ANTXR1: variants seen among roughly 807,000 people sequenced by gnomAD.
The protein encoded by ANTXR1 is anthrax toxin receptor 1.
In ANTXR1, 19 loss-of-function variants were observed where a neutral mutation model predicts 78.1. That is an observed-to-expected ratio of 0.24 (90% confidence interval 0.17 to 0.36). The LOEUF (loss-of-function observed/expected upper bound fraction) is 0.36. Ranked by LOEUF, ANTXR1 falls within the 10% of genes least tolerant of loss-of-function variation. ANTXR1 has a pLI of 1.00. For missense variants in ANTXR1, 518 were observed against 718.6 expected, an observed-to-expected ratio of 0.72 and a Z score of 3.19; for synonymous variants, 273 against 260.5, an observed-to-expected ratio of 1.05 and a Z score of -0.46.
chr2:69,154,765 C>T (rs1673480958), intron 13 of ANTXR1, among the ~76,000 whole-genome samples: 2 of 152,228 alleles, frequency 1.3e-5, no homozygotes, highest in South Asian at 2.1e-4. Context: ...CGTGTGCCTT[C>T]TCCTTCCTGC....
intron 13 of ANTXR1, 106 bp from the exon 14 acceptor site, chr2:69,170,141 GC>G: frequency 2.4e-6 from 3 of 1,258,056 alleles, no homozygotes; most frequent in Non-Finnish European, 3.5e-6. Context: ...TGGGGCCATT[GC>G]CATGGTAATT....
intron 12 of ANTXR1, among the ~76,000 whole-genome samples, chr2:69,135,445 T>A (rs898909092): frequency 6.6e-6 from 1 of 152,078 alleles, no homozygotes; most frequent in African/African-American, 2.4e-5. Flanking sequence ...AAAACTCAGA[T>A]TGACAGATTG....
chr2:69,185,550 AG>A (rs1023713969), intron 16 of ANTXR1, among the ~76,000 whole-genome samples: 4 of 150,174 alleles, frequency 2.7e-5, no homozygotes, highest in African/African-American at 9.8e-5. Flanking sequence ...AAATAAAAAA[AG>A]AAAAAAAAAA....
At chr2:69,044,891 G>A (rs1351323711) in intron 3 of ANTXR1, 78 bp downstream of exon 3, 5 of 1,409,486 alleles carry the variant, frequency 3.5e-6, no homozygotes, top group Non-Finnish European at 4.0e-6. Context: ...TCTGGTGCCA[G>A]CCTTGACCTG....
intron 14 of ANTXR1, among the ~76,000 whole-genome samples, chr2:69,175,582 C>T (rs1320306225): frequency 6.6e-6 from 1 of 152,162 alleles, no homozygotes; most frequent in Non-Finnish European, 1.5e-5. Flanking sequence ...CATGTTCATG[C>T]CACTGCACTC....
rs368261145 is a variant in ANTXR1 at position 69,169,065 on chromosome 2, C to A, written c.1048-1183C>A. Among the ~76,000 whole-genome samples the A allele has an allele frequency of 5.9e-5, 9 of 152,318 alleles. No individual in the cohort carries two copies. In the South Asian group the frequency reaches 1.0e-3, roughly 18 times the overall value. On this transcript the variant is annotated intron_variant, in intron 13 of 17. Coordinates refer to ENST00000303714, the MANE Select transcript of ANTXR1 (RefSeq NM_032208.3). ...TGGGGATTGGAGCCCTAACAAGGTC[C>A]CAGAATAATCATCAAACCAGAGGAG...
chr2:69,089,264 G>C (rs895644721), intron 8 of ANTXR1, among the ~76,000 whole-genome samples: 2 of 152,172 alleles, frequency 1.3e-5, no homozygotes, highest in African/African-American at 4.8e-5. Context: ...TAAAATACAT[G>C]GTTGGGAGAT....
intron 14 of ANTXR1, among the ~76,000 whole-genome samples, chr2:69,171,894 C>T (rs1290812121): frequency 6.6e-6 from 1 of 152,186 alleles, no homozygotes; most frequent in Non-Finnish European, 1.5e-5. Flanking sequence ...GTTGTAGTTA[C>T]ACCCAAAGAA....
chr2:69,075,445 G>C (rs529782595), intron 6 of ANTXR1, 145 bp from the exon 7 acceptor site: 2 of 786,224 alleles, frequency 2.5e-6, no homozygotes, highest in African/African-American at 1.7e-5. Flanking sequence ...GCTTCCTGGG[G>C]ACAGGGATTG....
Position 69,212,395 on chromosome 2 carries a change from T to C in ANTXR1, c.1434+18980T>C, listed in dbSNP as rs79500836. 8.7e-3 allele frequency among the ~76,000 whole-genome samples: 1,323 copies of C among 152,226 alleles called. 35 individuals are homozygous for C. In the East Asian group the frequency reaches 0.096, roughly 11 times the overall value. ...AAGAAGATCCATGAGGTTCTGCGTA[T>C]ATGACCATCCAAGGCAGCTCCCAGG... is the stretch of plus-strand genomic sequence containing the variant. On this transcript the variant is annotated intron_variant, in intron 17 of 17. Transcript: ENST00000303714.
chr2:69,118,855 G>GAA (rs1672247084), intron 10 of ANTXR1, among the ~76,000 whole-genome samples: 1 of 152,064 alleles, frequency 6.6e-6, no homozygotes, highest in Non-Finnish European at 1.5e-5. Context: ...GAGAGAGAGA[G>GAA]AAAAAAGTCA....
intron 12 of ANTXR1, among the ~76,000 whole-genome samples, chr2:69,140,037 G>C (rs534042859): frequency 1.3e-3 from 202 of 152,276 alleles, no homozygotes; most frequent in African/African-American, 4.6e-3. Flanking sequence ...TGATTAACAA[G>C]CTCCATGCAT....
At chr2:69,150,661 C>T (rs941232797) in intron 12 of ANTXR1, among the ~76,000 whole-genome samples, 1 of 96,322 alleles carries the variant, frequency 1.0e-5, no homozygotes, top group Admixed American at 9.5e-5. Flanking sequence ...TCTTGACATA[C>T]ATATACATAA....
chr2:69,091,445 CAAAAAA>C (rs60795933), intron 9 of ANTXR1, among the ~76,000 whole-genome samples: 1 of 62,340 alleles, frequency 1.6e-5, no homozygotes, highest in African/African-American at 6.2e-5. Context: ...GACACCATCT[CAAAAAA>C]AAAAAAAAAA....
intron 2 of ANTXR1, among the ~76,000 whole-genome samples, chr2:69,043,989 G>A (rs1222330323): frequency 6.6e-6 from 1 of 152,148 alleles, no homozygotes; most frequent in East Asian, 1.9e-4. Context: ...CACACAGAAC[G>A]GCATTGCATT....
At chr2:69,117,007 C>T (rs1186823171) in intron 10 of ANTXR1, among the ~76,000 whole-genome samples, 1 of 152,216 alleles carries the variant, frequency 6.6e-6, no homozygotes, top group Non-Finnish European at 1.5e-5. Context: ...AGGTCTAAAC[C>T]TGTAAATATA....
intron 2 of ANTXR1, 52 bp from the exon 3 acceptor site, chr2:69,044,690 T>G: frequency 1.3e-6 from 2 of 1,570,408 alleles, no homozygotes; most frequent in South Asian, 2.2e-5. Context: ...CTGAAGGGAG[T>G]GGCATGCGCA....
intron 12 of ANTXR1, among the ~76,000 whole-genome samples, chr2:69,140,865 A>T (rs1042026090): frequency 3.9e-5 from 6 of 152,198 alleles, no homozygotes; most frequent in African/African-American, 1.4e-4. Flanking sequence ...TACTTTTTCT[A>T]TACTGCCCCA....
chr2:69,241,389 A>C (rs1675890461), intron 17 of ANTXR1, among the ~76,000 whole-genome samples: 1 of 152,220 alleles, frequency 6.6e-6, no homozygotes, highest in African/African-American at 2.4e-5. Flanking sequence ...TCCAGGTTTT[A>C]AGAACTTATT....
Sources: allele counts gnomAD v4.1 joint callset (sites outside exome capture counted in the v4.1 genomes callset), GRCh38; gene constraint gnomAD v4.1.1; transcripts MANE v1.5; gene names NCBI Gene and HGNC (gene_info 2026-07-23, HGNC 2026-07-21).